Variants in NRXN1 observed in about 807,000 individuals in gnomAD.
NRXN1 encodes neurexin 1.
In NRXN1, 39 loss-of-function variants were observed where a neutral mutation model predicts 150.9. The ratio of observed to expected loss-of-function variants is 0.26; its 90% CI spans 0.20 to 0.34. The LOEUF (loss-of-function observed/expected upper bound fraction) is 0.34, where lower values mean the gene tolerates loss of function less well. Among genes scored for constraint, NRXN1 ranks in the 10% least tolerant of loss-of-function variants. The pLI, the probability that NRXN1 is intolerant of heterozygous loss-of-function variation, is 1.00. For missense variants in NRXN1, 1,815 were observed against 1,949.9 expected (o/e 0.93, Z 1.30); for synonymous variants, 924 against 757.0 (o/e 1.22, Z -3.62).
At chr2:50,191,185 T>G (rs1374157508) in intron 18 of NRXN1, among the ~76,000 whole-genome samples, 38 of 148,502 alleles carry the variant, frequency 2.6e-4, no homozygotes, top group Non-Finnish European at 1.0e-4. Context: ...CATGCCATCA[T>G]GCTCAGCTAA....
intron 18 of NRXN1, among the ~76,000 whole-genome samples, chr2:50,115,383 A>C (rs147412195): frequency 1.3e-5 from 2 of 151,974 alleles, no homozygotes; most frequent in African/African-American, 2.4e-5. Flanking sequence ...ACGTAATACC[A>C]ACAGGAATCA....
rs2104999019 is a variant in NRXN1 at position 50,506,520 on chromosome 2, T to C, written c.2472A>G (p.Thr824=). Residue 824 remains threonine, a synonymous_variant, in exon 13 of 23, where the codon ACA becomes ACG. Transcript: ENST00000401669. The stretch of plus-strand genomic sequence containing the variant: ...CTGTCATGGCCTGTTGGTCATCCAC[T>C]GTTAACTTTAAACTTTTTCCACGCC... ...VVRRGKSLKL[T]VDDQQAMTGQ... 2 of 1,613,090 alleles carry C rather than the reference T, an allele frequency of 1.2e-6. No individual in the cohort carries two copies. The highest frequency in any genetic ancestry group is 1.7e-6 in the Non-Finnish European group (2 of 1,179,412).
At chr2:50,402,900 T>C (rs1170484705) in intron 17 of NRXN1, among the ~76,000 whole-genome samples, 1 of 152,050 alleles carries the variant, frequency 6.6e-6, no homozygotes, top group Non-Finnish European at 1.5e-5. Flanking sequence ...TACAAAAACA[T>C]AAGAAGAGAA....
intron 17 of NRXN1, among the ~76,000 whole-genome samples, chr2:50,308,600 C>T (rs895618753): frequency 6.6e-6 from 1 of 152,028 alleles, no homozygotes; most frequent in African/African-American, 2.4e-5. Context: ...GGGATCCTTC[C>T]ACCTCAGCCT....
At chr2:50,537,216 T>C (rs1233702159) in intron 10 of NRXN1, among the ~76,000 whole-genome samples, 1 of 152,164 alleles carries the variant, frequency 6.6e-6, no homozygotes, top group Non-Finnish European at 1.5e-5. Flanking sequence ...ACAATAAATA[T>C]TCATAGCTTA....
chr2:50,881,132 A>T (rs886259333), intron 5 of NRXN1, among the ~76,000 whole-genome samples: 3 of 151,906 alleles, frequency 2.0e-5, no homozygotes, highest in African/African-American at 7.2e-5. Context: ...AACAGAAAAT[A>T]TTTTCCTAAA....
intron 5 of NRXN1, among the ~76,000 whole-genome samples, chr2:50,682,010 G>C (rs1690483337): frequency 6.6e-6 from 1 of 152,174 alleles, no homozygotes; most frequent in African/African-American, 2.4e-5. Flanking sequence ...GCTCAAATGA[G>C]ATGGTACAGA....
intron 3 of NRXN1, among the ~76,000 whole-genome samples, chr2:50,925,685 A>G (rs1259450812): frequency 6.6e-6 from 1 of 151,974 alleles, no homozygotes; most frequent in Admixed American, 6.6e-5. Flanking sequence ...AGAACACTGT[A>G]ATAACTATTC....
intron 8 of NRXN1, among the ~76,000 whole-genome samples, chr2:50,598,716 G>GTATATATACATATGTA (rs1553864399): frequency 6.9e-6 from 1 of 144,568 alleles, no homozygotes; most frequent in Admixed American, 6.9e-5. Flanking sequence ...ACATATATAT[G>GTATATATACATATGTA]TATATATACA....
chr2:50,962,654 T>C (rs1693399132), intron 2 of NRXN1, among the ~76,000 whole-genome samples: 1 of 151,672 alleles, frequency 6.6e-6, no homozygotes, highest in Non-Finnish European at 1.5e-5. Context: ...GACTTAACTA[T>C]TAGTTTTGCC....
chr2:50,715,606 C>T (rs2105078199), intron 5 of NRXN1, among the ~76,000 whole-genome samples: 1 of 152,214 alleles, frequency 6.6e-6, no homozygotes, highest in South Asian at 2.1e-4. Context: ...TCTTTAAATA[C>T]TTCTCACAAT....
chr2:50,791,137 T>TAA (rs143234044), intron 5 of NRXN1, among the ~76,000 whole-genome samples: 20 of 148,302 alleles, frequency 1.3e-4, no homozygotes, highest in South Asian at 2.1e-4. Context: ...TTTTTTTTTT[T>TAA]AAAAAAAAAG....
chr2:50,748,928 A>G (rs929764421), intron 5 of NRXN1, among the ~76,000 whole-genome samples: 2 of 152,096 alleles, frequency 1.3e-5, no homozygotes, highest in Non-Finnish European at 2.9e-5. Context: ...TCTAATGTTA[A>G]AAGTCCAAAA....
At chr2:50,056,961 C>A (rs922335226) in intron 19 of NRXN1, among the ~76,000 whole-genome samples, 1 of 152,088 alleles carries the variant, frequency 6.6e-6, no homozygotes, top group Non-Finnish European at 1.5e-5. Context: ...TCAGGCATGA[C>A]CCACATTCTC....
intron 21 of NRXN1, among the ~76,000 whole-genome samples, chr2:49,992,035 T>A (rs1573270369): frequency 6.6e-6 from 1 of 152,152 alleles, no homozygotes; most frequent in African/African-American, 2.4e-5. Flanking sequence ...GACATCCATA[T>A]GAAAAATAAT....
chr2:50,481,760 C>CTTTTTTTTTGTTTTT (rs2090475364), intron 15 of NRXN1, among the ~76,000 whole-genome samples: 1 of 82,958 alleles, frequency 1.2e-5, no homozygotes, highest in Non-Finnish European at 2.0e-5. Flanking sequence ...ACTTTTGTTT[C>CTTTTTTTTTGTTTTT]TTTTTTTTTT....
intron 19 of NRXN1, among the ~76,000 whole-genome samples, chr2:50,062,699 T>G (rs889535026): frequency 6.6e-6 from 1 of 152,154 alleles, no homozygotes; most frequent in African/African-American, 2.4e-5. Flanking sequence ...TTAATCATAT[T>G]GTTATAACTA....
At chr2:50,384,896 G>T (rs1347971145) in intron 17 of NRXN1, among the ~76,000 whole-genome samples, 1 of 151,978 alleles carries the variant, frequency 6.6e-6, no homozygotes, top group Non-Finnish European at 1.5e-5. Flanking sequence ...TCAACTCTTG[G>T]CAACTTCTAC....
intron 5 of NRXN1, among the ~76,000 whole-genome samples, chr2:50,897,049 C>T (rs1167967837): frequency 6.6e-6 from 1 of 152,136 alleles, no homozygotes; most frequent in African/African-American, 2.4e-5. Context: ...AAACCATTAA[C>T]ACTGTGCATT....
Sources: allele counts gnomAD v4.1 joint callset (sites outside exome capture counted in the v4.1 genomes callset), GRCh38; gene constraint gnomAD v4.1.1; transcripts MANE v1.5; gene names NCBI Gene and HGNC (gene_info 2026-07-23, HGNC 2026-07-21).